Variants in LRFN5 observed in about 807,000 individuals in gnomAD.
The protein encoded by LRFN5 is leucine rich repeat and fibronectin type III domain containing 5.
LRFN5 carries 24 observed loss-of-function variants against 45.6 expected under a neutral mutation model. The observed-to-expected ratio is 0.53, with a 90% CI of 0.38 to 0.74. LRFN5 has a LOEUF of 0.74. LRFN5 is among the 30% of genes least tolerant of loss of function. The pLI, the probability that LRFN5 is intolerant of heterozygous loss-of-function variation, is 0.00. For synonymous variants in LRFN5, 340 were observed against 313.8 expected, an observed-to-expected ratio of 1.08 and a Z score of -0.88; for missense variants, 776 against 861.5, an observed-to-expected ratio of 0.90 and a Z score of 1.24.
chr14:41,703,344 T>G (rs1460617891), intron 1 of LRFN5, among the ~76,000 whole-genome samples: 1 of 152,184 alleles, frequency 6.6e-6, no homozygotes, highest in African/African-American at 2.4e-5. Flanking sequence ...AGAAGATTTC[T>G]ATAAACAAAC....
intron 1 of LRFN5, among the ~76,000 whole-genome samples, chr14:41,756,543 T>C (rs1346875855): frequency 2.0e-5 from 3 of 152,226 alleles, no homozygotes; most frequent in African/African-American, 7.2e-5. Context: ...TTCCAGTTGA[T>C]CGAATCGGCT....
chr14:41,755,526 TC>T (rs1294428816), intron 1 of LRFN5, among the ~76,000 whole-genome samples: 5 of 152,170 alleles, frequency 3.3e-5, no homozygotes, highest in Non-Finnish European at 5.9e-5. Context: ...GTAATGGCCT[TC>T]TTTGTCTCTT....
At chr14:41,871,215 C>A (rs1332201861) in intron 2 of LRFN5, among the ~76,000 whole-genome samples, 1 of 151,476 alleles carries the variant, frequency 6.6e-6, no homozygotes, top group Non-Finnish European at 1.5e-5. Flanking sequence ...AATAGCTTTG[C>A]CAATTGAAAA....
At chr14:41,743,994 T>C (rs1020189338) in intron 1 of LRFN5, among the ~76,000 whole-genome samples, 1 of 152,072 alleles carries the variant, frequency 6.6e-6, no homozygotes, top group Non-Finnish European at 1.5e-5. Flanking sequence ...AGTCTTGTAA[T>C]TGGAGGATGT....
intron 2 of LRFN5, among the ~76,000 whole-genome samples, chr14:41,840,684 A>G (rs573769305): frequency 6.6e-6 from 1 of 152,052 alleles, no homozygotes; most frequent in East Asian, 1.9e-4. Flanking sequence ...CCTTGCCATT[A>G]TATTATTTTA....
At chr14:41,718,214 C>G (rs577321689) in intron 1 of LRFN5, among the ~76,000 whole-genome samples, 1 of 152,280 alleles carries the variant, frequency 6.6e-6, no homozygotes, top group Non-Finnish European at 1.5e-5. Flanking sequence ...GGTTCCTCAT[C>G]TGTCAAAAGG....
chr14:41,840,192 C>T (rs72668876), intron 2 of LRFN5, among the ~76,000 whole-genome samples: 3,738 of 152,040 alleles, frequency 0.025, 48 homozygotes, highest in Middle Eastern at 0.034. Flanking sequence ...TAGTCTGGTA[C>T]GCTGATTATA....
intron 2 of LRFN5, among the ~76,000 whole-genome samples, chr14:41,783,061 C>A (rs1365301392): frequency 6.8e-6 from 1 of 146,622 alleles, no homozygotes; most frequent in Non-Finnish European, 1.5e-5. Context: ...TGGTACAAGG[C>A]CTGGTAAAAT....
intron 1 of LRFN5, among the ~76,000 whole-genome samples, chr14:41,628,726 G>A (rs1332713980): frequency 6.6e-6 from 1 of 152,142 alleles, no homozygotes; most frequent in African/African-American, 2.4e-5. Context: ...TAAATGTATT[G>A]AGCACCAATA....
At chr14:41,778,883 C>T (rs79052809) in intron 2 of LRFN5, among the ~76,000 whole-genome samples, 1,912 of 151,870 alleles carry the variant, frequency 0.013, 12 homozygotes, top group Middle Eastern at 0.037. Context: ...TACTCACTTA[C>T]TAATGGCAGG....
chr14:41,785,573 T>C lies in LRFN5; in HGVS notation c.-21+18544T>C, dbSNP rs145141735. Among the ~76,000 whole-genome samples, 170 of 152,266 alleles carry C rather than the reference T, an allele frequency of 1.1e-3. 4 individuals carry two copies. The East Asian group carries it at 0.027, about 24-fold the overall frequency. ...GGGACCGGTTTCGTGGAAGGTGATT[T>C]TTCCACAGATGAGAGGAAGGTGGTT... On this transcript the variant is annotated intron_variant, in intron 2 of 5. Coordinates refer to ENST00000298119, the MANE Select transcript of LRFN5 (RefSeq NM_152447.5).
At chr14:41,709,332 C>G (rs1304453876) in intron 1 of LRFN5, among the ~76,000 whole-genome samples, 1 of 151,904 alleles carries the variant, frequency 6.6e-6, no homozygotes, top group Non-Finnish European at 1.5e-5. Flanking sequence ...GACTTCCTTG[C>G]TTATATGGCA....
At chr14:41,639,949 ATTTTTTTTTTTTT>A (rs34020254) in intron 1 of LRFN5, among the ~76,000 whole-genome samples, 13 of 68,080 alleles carry the variant, frequency 1.9e-4, no homozygotes, top group East Asian at 8.1e-4. Context: ...TGACTGGCTA[ATTTTTTTTTTTTT>A]TTTTTTTTTT....
intron 1 of LRFN5, among the ~76,000 whole-genome samples, chr14:41,696,174 T>C (rs1434032063): frequency 6.6e-6 from 1 of 151,864 alleles, no homozygotes; most frequent in East Asian, 1.9e-4. Flanking sequence ...CCTGAAGATG[T>C]GACTAAATTG....
intron 1 of LRFN5, among the ~76,000 whole-genome samples, chr14:41,685,479 A>G (rs910491151): frequency 6.6e-6 from 1 of 152,202 alleles, no homozygotes; most frequent in African/African-American, 2.4e-5. Context: ...ATTAGATCCT[A>G]TCTGTCAATT....
intron 2 of LRFN5, among the ~76,000 whole-genome samples, chr14:41,768,169 CAT>C (rs1196017378): frequency 2.0e-5 from 3 of 152,004 alleles, no homozygotes; most frequent in Non-Finnish European, 1.5e-5. Flanking sequence ...AATAGAAATG[CAT>C]ATGTTATTAG....
rs531240307 is a variant in LRFN5 at position 41,756,990 on chromosome 14, C to A, written c.-196-9864C>A. ...TCCTTCTAACTGTCAGGACCCCCAG[C>A]TGCAAGTCTGTTGGAGTTTGCTGGA... On this transcript the variant is annotated intron_variant, in intron 1 of 5. Transcript: ENST00000298119. Among the ~76,000 whole-genome samples, 9 of 152,294 alleles carry A rather than the reference C, an allele frequency of 5.9e-5. No homozygotes were observed. The South Asian group carries it at 1.9e-3, about 32-fold the overall frequency.
intron 1 of LRFN5, among the ~76,000 whole-genome samples, chr14:41,629,342 T>C (rs962999275): frequency 5.3e-5 from 8 of 152,168 alleles, no homozygotes; most frequent in Admixed American, 1.3e-4. Context: ...TGCTTACTTA[T>C]TTGTGGGTTA....
At chr14:41,856,675 A>ATTATTTATTTTTTTTTTTTTTTT in intron 2 of LRFN5, among the ~76,000 whole-genome samples, 1 of 18,328 alleles carries the variant, frequency 5.5e-5, no homozygotes, top group African/African-American at 1.3e-4. Flanking sequence ...TATTATTATT[A>ATTATTTATTTTTTTTTTTTTTTT]TTTTTTTTTT....
Sources: gnomAD v4.1 joint callset for allele counts (sites outside exome capture counted in the v4.1 genomes callset) on GRCh38, gnomAD v4.1.1 for gene constraint, MANE v1.5 for transcripts, NCBI Gene and HGNC (gene_info 2026-07-23, HGNC 2026-07-21) for gene names.